MDGA2: variants seen among roughly 807,000 people sequenced by gnomAD.
MDGA2 encodes the protein MAM domain-containing glycosylphosphatidylinositol anchor protein 2.
Under a neutral mutation model 117.8 loss-of-function variants are expected in MDGA2, and 40 were observed. The ratio of observed to expected loss-of-function variants is 0.34; its 90% CI spans 0.26 to 0.44. The LOEUF (loss-of-function observed/expected upper bound fraction) is 0.44. Among genes scored for constraint, MDGA2 ranks in the 20% least tolerant of loss-of-function variants. The probability of loss-of-function intolerance (pLI) is 1.00; values close to 1 mark genes in which losing one functional copy is unlikely to be tolerated. For missense variants in MDGA2, 1,123 were observed against 1,250.6 expected (o/e 0.90, Z 1.54); for synonymous variants, 452 against 439.0 (o/e 1.03, Z -0.37).
At chr14:47,509,232 A>T (rs944552515) in intron 1 of MDGA2, among the ~76,000 whole-genome samples, 4 of 152,238 alleles carry the variant, frequency 2.6e-5, no homozygotes, top group Non-Finnish European at 5.9e-5. Flanking sequence ...GAATGCTAGA[A>T]GCACCTTTGC....
intron 7 of MDGA2, among the ~76,000 whole-genome samples, chr14:47,054,274 G>A (rs1566595866): frequency 6.6e-6 from 1 of 151,878 alleles, no homozygotes; most frequent in Non-Finnish European, 1.5e-5. Context: ...AACATGCAAA[G>A]AGGTTAACTG....
intron 3 of MDGA2, among the ~76,000 whole-genome samples, chr14:47,171,542 G>A (rs1239584464): frequency 6.6e-6 from 1 of 152,190 alleles, no homozygotes; most frequent in Non-Finnish European, 1.5e-5. Context: ...ATCAATGGGG[G>A]AGATTTCTTA....
chr14:47,341,967 G>A (rs1325868744), intron 1 of MDGA2, among the ~76,000 whole-genome samples: 3 of 152,022 alleles, frequency 2.0e-5, no homozygotes, highest in African/African-American at 7.2e-5. Flanking sequence ...AGCCTCCCAA[G>A]TAGCTGGGAT....
chr14:47,085,773 A>C lies in MDGA2; in HGVS notation c.1195+11081T>G, dbSNP rs570223969. On this transcript the variant is annotated intron_variant, in intron 6 of 16. Coordinates refer to ENST00000399232, the MANE Select transcript of MDGA2 (RefSeq NM_001113498.3). ...TCAGATTCCTAGAAAAACAAAACTA[A>C]GATGTAAAAATGTTTATTCCTAAAT... Among the ~76,000 whole-genome samples, 4 of 152,282 alleles carry C rather than the reference A, an allele frequency of 2.6e-5. No homozygotes were observed. In the South Asian group the frequency reaches 8.3e-4, roughly 32 times the overall value.
intron 6 of MDGA2, among the ~76,000 whole-genome samples, chr14:47,080,563 G>A (rs1196202367): frequency 1.3e-5 from 2 of 152,084 alleles, no homozygotes; most frequent in African/African-American, 4.8e-5. Flanking sequence ...TTTTCTTCAA[G>A]AATCTGTTCT....
intron 2 of MDGA2, among the ~76,000 whole-genome samples, chr14:47,219,893 G>A (rs769550482): frequency 2.6e-5 from 4 of 152,040 alleles, no homozygotes; most frequent in Non-Finnish European, 5.9e-5. Context: ...ACAAAACTCT[G>A]TAAATGGGAC....
At chr14:47,035,334 G>C in intron 7 of MDGA2, 30 bp from the exon 8 acceptor site, 1 of 1,575,518 alleles carries the variant, frequency 6.3e-7, no homozygotes. Context: ...AATTTTTCAA[G>C]GTTAGTATAA....
chr14:47,576,835 A>T (rs1896124009), intron 1 of MDGA2, among the ~76,000 whole-genome samples: 1 of 151,966 alleles, frequency 6.6e-6, no homozygotes, highest in Admixed American at 6.6e-5. Context: ...TGCAGCCTCG[A>T]CCTCCCAGGC....
chr14:47,057,222 T>C (rs780528977), intron 7 of MDGA2, among the ~76,000 whole-genome samples: 4 of 152,172 alleles, frequency 2.6e-5, no homozygotes, highest in Non-Finnish European at 5.9e-5. Context: ...TTAACTCAAA[T>C]GTCATTTCTC....
At chr14:47,038,177 C>G (rs1888926312) in intron 7 of MDGA2, among the ~76,000 whole-genome samples, 1 of 152,074 alleles carries the variant, frequency 6.6e-6, no homozygotes, top group South Asian at 2.1e-4. Flanking sequence ...GGTGATCTAC[C>G]CTCCTCGGCC....
chr14:47,537,573 T>TAAAAAAAAAAAAAAAAAAAAA lies in MDGA2; in HGVS notation c.280+136943_280+136944insTTTTTTTTTTTTTTTTTTTTT, dbSNP rs1566504353. ...ATTATCCACTGTTACCTTCTCTCTG[T>TAAAAAAAAAAAAAAAAAAAAA]TAAAAAAAAAAAAAAAAAAAAAAAA... is the stretch of plus-strand genomic sequence containing the variant. On this transcript the variant is annotated intron_variant, in intron 1 of 16. Coordinates refer to ENST00000399232, the MANE Select transcript of MDGA2 (RefSeq NM_001113498.3). Among the ~76,000 whole-genome samples, 5 of 57,104 alleles carry TAAAAAAAAAAAAAAAAAAAAA rather than the reference T, an allele frequency of 8.8e-5. 1 individual carries two copies. Among genetic ancestry groups the TAAAAAAAAAAAAAAAAAAAAA allele is most frequent in the African/African-American group, 1.7e-4 (3 of 17,190 alleles). The allele number at this position is 57,104 out of a possible 152,430, so 37.5% of individuals were successfully genotyped here.
chr14:47,572,264 T>A (rs907701957), intron 1 of MDGA2, among the ~76,000 whole-genome samples: 1 of 152,214 alleles, frequency 6.6e-6, no homozygotes, highest in Admixed American at 6.5e-5. Context: ...TTGACTTCCA[T>A]GTGCTCTCTT....
chr14:47,246,802 AACACACACACACAC>A, intron 2 of MDGA2, among the ~76,000 whole-genome samples: 1 of 141,852 alleles, frequency 7.0e-6, no homozygotes, highest in Non-Finnish European at 1.5e-5. Context: ...CAGGTAATGA[AACACACACACACAC>A]ACACACACAC....
intron 3 of MDGA2, among the ~76,000 whole-genome samples, chr14:47,156,129 A>G (rs1004561495): frequency 6.6e-6 from 1 of 151,370 alleles, no homozygotes; most frequent in Non-Finnish European, 1.5e-5. Flanking sequence ...AGCTGGTCAC[A>G]AACACCTAAC....
intron 1 of MDGA2, among the ~76,000 whole-genome samples, chr14:47,326,426 G>A (rs2139894869): frequency 6.6e-6 from 1 of 152,228 alleles, no homozygotes; most frequent in Admixed American, 6.5e-5. Flanking sequence ...CACAAAGGGA[G>A]TAAGAATCTG....
intron 1 of MDGA2, among the ~76,000 whole-genome samples, chr14:47,520,166 C>A (rs1311905635): frequency 1.3e-5 from 2 of 152,198 alleles, no homozygotes; most frequent in Non-Finnish European, 2.9e-5. Flanking sequence ...TCACCTACTT[C>A]ACTTATTCTC....
At position 47,047,680 on chromosome 14, in the gene MDGA2, C is replaced by T. The variant is rs145992318; in HGVS notation, c.1526-12376G>A. Among the ~76,000 whole-genome samples the T allele has an allele frequency of 1.0e-3, 158 of 152,054 alleles. 2 individuals are homozygous for T. The highest frequency in any genetic ancestry group is 3.5e-3 in the African/African-American group (147 of 41,520). On this transcript the variant is annotated intron_variant, in intron 7 of 16. Transcript: ENST00000399232. ...ATTACTATGTTTTCTTATCACTGTACGTTGTGTATCAATAACCATACTTTA... is the reference window on the plus strand; with the variant it reads ...ATTACTATGTTTTCTTATCACTGTATGTTGTGTATCAATAACCATACTTTA...
At chr14:47,101,567 A>T (rs1880326634) in intron 5 of MDGA2, among the ~76,000 whole-genome samples, 1 of 152,166 alleles carries the variant, frequency 6.6e-6, no homozygotes, top group South Asian at 2.1e-4. Flanking sequence ...CTCATGGAAA[A>T]TACTCCATGT....
chr14:47,588,942 C>A (rs186312436), intron 1 of MDGA2, among the ~76,000 whole-genome samples: 2 of 151,902 alleles, frequency 1.3e-5, no homozygotes, highest in Non-Finnish European at 2.9e-5. Flanking sequence ...CATGTATTGG[C>A]TTTTGGCCCT....
Sources: allele counts gnomAD v4.1 joint callset (sites outside exome capture counted in the v4.1 genomes callset), GRCh38; gene constraint gnomAD v4.1.1; transcripts MANE v1.5; gene names NCBI Gene and HGNC (gene_info 2026-07-23, HGNC 2026-07-21).